RFWD3: variants seen among roughly 807,000 people sequenced by gnomAD.
RFWD3 encodes the protein E3 ubiquitin-protein ligase RFWD3.
RFWD3 carries 65 observed loss-of-function variants against 87.7 expected under a neutral mutation model. The ratio of observed to expected loss-of-function variants is 0.74; its 90% CI spans 0.61 to 0.91. The LOEUF (loss-of-function observed/expected upper bound fraction) is 0.91. RFWD3 is among the 40% of genes least tolerant of loss of function. The probability of loss-of-function intolerance (pLI) is 0.00; values close to 1 mark genes in which losing one functional copy is unlikely to be tolerated. For synonymous variants in RFWD3, 433 were observed against 352.8 expected, an observed-to-expected ratio of 1.23 and a Z score of -2.55; for missense variants, 1,078 against 938.5, an observed-to-expected ratio of 1.15 and a Z score of -1.94.
chr16:74,642,668 T>C (rs1004556902), intron 6 of RFWD3, among the ~76,000 whole-genome samples: 1 of 152,114 alleles, frequency 6.6e-6, no homozygotes, highest in Non-Finnish European at 1.5e-5. Context: ...ATTTTTTTCA[T>C]TTTTATTAGA....
At chr16:74,636,698 C>T (rs1048663714) in intron 7 of RFWD3, 121 bp from the exon 8 acceptor site, 6 of 770,052 alleles carry the variant, frequency 7.8e-6, no homozygotes, top group Non-Finnish European at 1.0e-5. Context: ...TAACATGAAT[C>T]CTAGAGAACT....
intron 7 of RFWD3, among the ~76,000 whole-genome samples, chr16:74,637,581 C>G (rs760002725): frequency 1.3e-5 from 2 of 151,976 alleles, no homozygotes; most frequent in Non-Finnish European, 2.9e-5. Context: ...TGCAGTGAGC[C>G]GAGATCACAT....
chr16:74,636,876 A>G (rs1424570209), intron 7 of RFWD3, among the ~76,000 whole-genome samples: 1 of 151,854 alleles, frequency 6.6e-6, no homozygotes, highest in African/African-American at 2.4e-5. Flanking sequence ...ATGCCCGGCT[A>G]ATTTTTAAAT....
At position 74,645,370 on chromosome 16, in the gene RFWD3, T is replaced by C. The variant is rs550867779; in HGVS notation, c.793-635A>G. ...ACCTCATGGATATATAGTCATGCATTGCTTGACAATGGGAATACATTCTGA... is the reference window on the plus strand; with the variant it reads ...ACCTCATGGATATATAGTCATGCATCGCTTGACAATGGGAATACATTCTGA... On this transcript the variant is annotated intron_variant, in intron 4 of 12. Transcript: ENST00000361070. 6.6e-5 allele frequency among the ~76,000 whole-genome samples: 10 copies of C among 152,358 alleles called. No homozygotes were observed. The South Asian group carries it at 2.1e-3, about 32-fold the overall frequency.
rs563128339 is a variant in RFWD3, at chr16:74,641,821, G to T, written c.1079+2541C>A. The stretch of plus-strand genomic sequence containing the variant: ...GGCGCCTGTAATCCCGGCTACTTGG[G>T]AGACTGAGGCAGGAGAATTGCTTGA... On this transcript the variant is annotated intron_variant, in intron 6 of 12. Transcript: ENST00000361070. Among the ~76,000 whole-genome samples the T allele has an allele frequency of 2.0e-5, 3 of 149,566 alleles. No homozygotes were observed. The South Asian group carries it at 6.4e-4, about 32-fold the overall frequency.
At chr16:74,640,833 T>C (rs1335389650) in intron 6 of RFWD3, among the ~76,000 whole-genome samples, 3 of 151,818 alleles carry the variant, frequency 2.0e-5, no homozygotes, top group Non-Finnish European at 2.9e-5. Flanking sequence ...CAGCTACTCG[T>C]AAGGCTGAGG....
At chr16:74,638,531 A>C (rs938966305) in intron 6 of RFWD3, among the ~76,000 whole-genome samples, 8 of 152,226 alleles carry the variant, frequency 5.3e-5, no homozygotes, top group Non-Finnish European at 8.8e-5. Flanking sequence ...AAACAGTCTC[A>C]AAATATGAAA....
At chr16:74,650,040 T>C (rs1393773665) in intron 3 of RFWD3, among the ~76,000 whole-genome samples, 1 of 152,242 alleles carries the variant, frequency 6.6e-6, no homozygotes, top group East Asian at 1.9e-4. Context: ...TCTGCAGCCC[T>C]GGGCAACCAC....
chr16:74,624,322 A>G (rs1958855567), intron 12 of RFWD3, among the ~76,000 whole-genome samples: 1 of 152,228 alleles, frequency 6.6e-6, no homozygotes, highest in Non-Finnish European at 1.5e-5. Context: ...GCTTCCATTC[A>G]TTCAATGTGC....
At chr16:74,660,364 A>G (rs1961326659) in intron 2 of RFWD3, among the ~76,000 whole-genome samples, 1 of 152,194 alleles carries the variant, frequency 6.6e-6, no homozygotes, top group South Asian at 2.1e-4. Context: ...GAGGCAGGAG[A>G]ATCGCTTGAA....
intron 12 of RFWD3, among the ~76,000 whole-genome samples, chr16:74,624,547 C>T (rs1034841275): frequency 2.6e-5 from 4 of 152,190 alleles, no homozygotes; most frequent in African/African-American, 4.8e-5. Flanking sequence ...AGACATCCAC[C>T]ACCACGCCCG....
intron 1 of RFWD3, among the ~76,000 whole-genome samples, chr16:74,665,765 A>C (rs1378852939): frequency 1.4e-5 from 2 of 139,336 alleles, no homozygotes; most frequent in Admixed American, 7.5e-5. Flanking sequence ...TCTTTTTTTG[A>C]GATGGAGTTT....
chr16:74,659,631 G>C (rs1172128532), intron 2 of RFWD3, among the ~76,000 whole-genome samples: 1 of 151,234 alleles, frequency 6.6e-6, no homozygotes, highest in Non-Finnish European at 1.5e-5. Flanking sequence ...ATATGCATTT[G>C]CAACTCTTGT....
intron 2 of RFWD3, among the ~76,000 whole-genome samples, chr16:74,658,911 G>A (rs1961210958): frequency 6.6e-6 from 1 of 152,056 alleles, no homozygotes; most frequent in Non-Finnish European, 1.5e-5. Flanking sequence ...GGGACCACAG[G>A]TGTGTGCCAC....
rs534117982 is a variant in RFWD3 at position 74,635,003 on chromosome 16, G to A, written c.1426+1343C>T. Among the ~76,000 whole-genome samples the A allele has an allele frequency of 1.3e-4, 20 of 152,146 alleles. No individual in the cohort carries two copies. The South Asian group carries it at 2.9e-3, about 22-fold the overall frequency. Reference sequence around the variant, plus strand: ...ATACAAAAATTAACTAGGCATAGCCGGGCGCGGTGGCTCACGCCTGTAATC... The same window carrying A: ...ATACAAAAATTAACTAGGCATAGCCAGGCGCGGTGGCTCACGCCTGTAATC... On this transcript the variant is annotated intron_variant, in intron 8 of 12. Coordinates refer to ENST00000361070, the MANE Select transcript of RFWD3 (RefSeq NM_018124.4).
At chr16:74,664,555 T>A (rs1307790256) in intron 1 of RFWD3, 2 of 152,138 alleles carry the variant, frequency 1.3e-5, no homozygotes, top group Non-Finnish European at 2.9e-5. Flanking sequence ...GAGACCAGCC[T>A]GGGCAACACG....
chr16:74,662,960 A>G (rs1961578063), intron 1 of RFWD3, among the ~76,000 whole-genome samples: 1 of 150,528 alleles, frequency 6.6e-6, no homozygotes, highest in African/African-American at 2.5e-5. Context: ...GCTGGAGTGC[A>G]GTGGCGCGAT....
chr16:74,626,444 G>T lies in RFWD3; in HGVS notation c.2080C>A (p.Pro694Thr). 1.2e-6 allele frequency: 2 copies of T among 1,614,140 alleles called. No homozygotes were observed. Among genetic ancestry groups the T allele is most frequent in the Non-Finnish European group, 1.7e-6 (2 of 1,180,016 alleles). ...CQPVHTFFGG[P>T]TCKLLTKNAI... is the part of the protein sequence containing the mutation. ...TTTTTGGTCAATAGTTTGCAAGTAG[G>T]TCCTCCAAAAAATGTATGTACAGGC... The change falls in exon 12 of 13, where the codon CCT becomes ACT. Residue 694 changes from proline to threonine, a missense_variant. By Grantham distance (38) the Pro-to-Thr change is conservative. Coordinates refer to ENST00000361070, the MANE Select transcript of RFWD3 (RefSeq NM_018124.4).
Position 74,632,662 on chromosome 16 carries a change from T to A in RFWD3, c.1438A>T (p.Lys480Ter). The change falls in exon 9 of 13, where the codon AAG (lysine) becomes TAG (stop). Residue 480 changes from lysine (K) to a stop codon, truncating the protein, a stop_gained. Coordinates refer to ENST00000361070, the MANE Select transcript of RFWD3 (RefSeq NM_018124.4). LOFTEE classifies it high-confidence loss of function. ...TTCATGTTGGCAGTACTCAACATCTTAACACCAAAGCCTGAAAAAGGCAAA... is the reference window on the plus strand; with the variant it reads ...TTCATGTTGGCAGTACTCAACATCTAAACACCAAAGCCTGAAAAAGGCAAA... ...QASFLPGFGVKMLSTANMKSS... is the reference protein window; with the variant it reads ...QASFLPGFGV 1.2e-6 allele frequency: 2 copies of A among 1,614,060 alleles called. No individual in the cohort carries two copies. Among genetic ancestry groups the A allele is most frequent in the Non-Finnish European group, 1.7e-6 (2 of 1,179,992 alleles).
Sources: allele counts gnomAD v4.1 joint callset (sites outside exome capture counted in the v4.1 genomes callset), GRCh38; gene constraint gnomAD v4.1.1; transcripts MANE v1.5; gene names NCBI Gene and HGNC (gene_info 2026-07-23, HGNC 2026-07-21).